Variants in HNMT observed in about 807,000 individuals in gnomAD.
HNMT encodes histamine N-methyltransferase.
Under a neutral mutation model 32.1 loss-of-function variants are expected in HNMT, and 30 were observed. That is an observed-to-expected ratio of 0.93 (90% CI 0.70 to 1.27). The LOEUF (loss-of-function observed/expected upper bound fraction) is 1.27. Ranked by LOEUF, HNMT falls within the 50% of genes most tolerant of loss-of-function variation. HNMT has a pLI of 0.00. For missense variants in HNMT, 327 were observed against 346.0 expected (o/e 0.95, Z 0.43); for synonymous variants, 125 against 119.0 (o/e 1.05, Z -0.33).
intron 2 of HNMT, among the ~76,000 whole-genome samples, chr2:137,973,401 C>T (rs1453507565): frequency 2.0e-5 from 3 of 152,090 alleles, no homozygotes; most frequent in African/African-American, 7.2e-5. Flanking sequence ...ATGGTCTCCC[C>T]ACATATTCTA....
At chr2:138,002,332 C>T in intron 4 of HNMT, 138 bp downstream of exon 4, 1 of 1,101,040 alleles carries the variant, frequency 9.1e-7, no homozygotes, top group Non-Finnish European at 1.2e-6. Context: ...CCATGATCTG[C>T]CCAAATAAAA....
intron 2 of HNMT, among the ~76,000 whole-genome samples, chr2:137,991,501 C>T (rs576284401): frequency 6.6e-6 from 1 of 152,198 alleles, no homozygotes; most frequent in African/African-American, 2.4e-5. Context: ...ATAGTCCTGC[C>T]TTGTATAGGT....
chr2:138,008,354 G>A (rs1681391209), intron 5 of HNMT, among the ~76,000 whole-genome samples: 1 of 151,970 alleles, frequency 6.6e-6, no homozygotes, highest in South Asian at 2.1e-4. Context: ...ATTCCATAGT[G>A]TATATGTATC....
At chr2:137,986,064 C>T (rs543342092) in intron 2 of HNMT, among the ~76,000 whole-genome samples, 4 of 151,594 alleles carry the variant, frequency 2.6e-5, no homozygotes, top group Admixed American at 6.6e-5. Flanking sequence ...TGGTAATTAG[C>T]GTAGAGAGGT....
At chr2:137,981,275 A>G (rs151066047) in intron 2 of HNMT, 1 of 1,613,508 alleles carries the variant, frequency 6.2e-7, no homozygotes, top group Non-Finnish European at 8.5e-7. Context: ...CATTTTGTGT[A>G]GCACCCGTCA....
At chr2:137,996,864 A>G in intron 2 of HNMT, among the ~76,000 whole-genome samples, 1 of 152,096 alleles carries the variant, frequency 6.6e-6, no homozygotes, top group East Asian at 1.9e-4. Context: ...CAGAAATAAC[A>G]CCACACACCT....
At chr2:137,992,234 T>C (rs922683562) in intron 2 of HNMT, among the ~76,000 whole-genome samples, 2 of 152,196 alleles carry the variant, frequency 1.3e-5, no homozygotes, top group Non-Finnish European at 2.9e-5. Flanking sequence ...TGGGTGTGGC[T>C]GCCTGCTGTC....
intron 5 of HNMT, among the ~76,000 whole-genome samples, chr2:138,010,988 C>T (rs1197817252): frequency 1.3e-5 from 2 of 151,842 alleles, no homozygotes; most frequent in Non-Finnish European, 2.9e-5. Context: ...GGAGGAAAAT[C>T]ATTGTGTGTT....
intron 1 of HNMT, 109 bp from the exon 2 acceptor site, chr2:137,970,056 G>A: frequency 1.7e-6 from 1 of 578,046 alleles, no homozygotes; most frequent in Non-Finnish European, 3.1e-6. Flanking sequence ...TGTTGGCCTA[G>A]TTTTCATTCA....
chr2:137,986,414 T>C (rs763030340), intron 2 of HNMT, among the ~76,000 whole-genome samples: 1 of 152,246 alleles, frequency 6.6e-6, no homozygotes, highest in South Asian at 2.1e-4. Flanking sequence ...GCCTGAAGGC[T>C]TGAGACTCAA....
intron 5 of HNMT, among the ~76,000 whole-genome samples, chr2:138,011,902 A>C (rs933238297): frequency 6.6e-6 from 1 of 152,140 alleles, no homozygotes; most frequent in Non-Finnish European, 1.5e-5. Flanking sequence ...AAACTGAGAC[A>C]CAGGTTCATA....
chr2:138,010,071 A>G (rs1357048037), intron 5 of HNMT, among the ~76,000 whole-genome samples: 1 of 152,024 alleles, frequency 6.6e-6, no homozygotes, highest in African/African-American at 2.4e-5. Flanking sequence ...CTAAAAGGGA[A>G]GATGCTTCTG....
chr2:137,979,427 C>A (rs181310486), intron 2 of HNMT, among the ~76,000 whole-genome samples: 1 of 151,912 alleles, frequency 6.6e-6, no homozygotes, highest in African/African-American at 2.4e-5. Context: ...CCCATCACCA[C>A]GTTTTTAGTA....
At chr2:138,005,371 G>A in intron 5 of HNMT, 146 bp downstream of exon 5, 1 of 598,052 alleles carries the variant, frequency 1.7e-6, no homozygotes, top group Non-Finnish European at 3.0e-6. Context: ...AATTTTCACA[G>A]TATTAGGGAA....
chr2:137,984,733 G>A (rs192113228), intron 2 of HNMT, among the ~76,000 whole-genome samples: 93 of 152,160 alleles, frequency 6.1e-4, no homozygotes, highest in Middle Eastern at 6.8e-3. Context: ...TTTTACAGTC[G>A]AAGATTGTTG....
chr2:137,971,791 G>A (rs1353254799), intron 2 of HNMT, among the ~76,000 whole-genome samples: 4 of 134,258 alleles, frequency 3.0e-5, no homozygotes, highest in Admixed American at 2.2e-4. Context: ...ATCAACTCCT[G>A]AACAGTGTTT....
chr2:137,982,123 A>C (rs1292076366), intron 2 of HNMT, among the ~76,000 whole-genome samples: 1 of 152,218 alleles, frequency 6.6e-6, no homozygotes, highest in Non-Finnish European at 1.5e-5. Flanking sequence ...TGCTGGGATT[A>C]CAGGCAGGAG....
chr2:138,002,949 A>G (rs1283550563), intron 4 of HNMT, among the ~76,000 whole-genome samples: 2 of 151,878 alleles, frequency 1.3e-5, no homozygotes, highest in African/African-American at 4.8e-5. Context: ...CGACAAACTG[A>G]CTCATACATG....
rs1246769968 is a variant in HNMT, at chr2:138,011,887, T to A, written c.524-1888T>A. On this transcript the variant is annotated intron_variant, in intron 5 of 5. Coordinates refer to ENST00000280097, the MANE Select transcript of HNMT (RefSeq NM_006895.3). ...TATATTATCACCCCTGTTTTACAGA[T>A]GATAAAACTGAGACACAGGTTCATA... is the stretch of plus-strand genomic sequence containing the variant. Among the ~76,000 whole-genome samples, 8 of 152,222 alleles carry A rather than the reference T, an allele frequency of 5.3e-5. No individual in the cohort carries two copies. The East Asian group carries it at 1.5e-3, about 29-fold the overall frequency.
Sources: allele counts gnomAD v4.1 joint callset (sites outside exome capture counted in the v4.1 genomes callset), GRCh38; gene constraint gnomAD v4.1.1; transcripts MANE v1.5; gene names NCBI Gene and HGNC (gene_info 2026-07-23, HGNC 2026-07-21).